The following DNAJA3 variants were observed in gnomAD, a reference collection of about 807,000 sequenced individuals.
The protein encoded by DNAJA3 is dnaJ homolog subfamily A member 3, mitochondrial.
In DNAJA3, 29 loss-of-function variants were observed where a neutral mutation model predicts 54.9. The observed-to-expected ratio is 0.53, with a 90% CI of 0.39 to 0.72. The LOEUF (loss-of-function observed/expected upper bound fraction) is 0.72, where lower values mean the gene tolerates loss of function less well. Among genes scored for constraint, DNAJA3 ranks in the 30% least tolerant of loss-of-function variants. DNAJA3 has a pLI of 0.00. For synonymous variants in DNAJA3, 302 were observed against 251.4 expected (o/e 1.20, Z -1.90); for missense variants, 708 against 639.4 (o/e 1.11, Z -1.16).
intron 7 of DNAJA3, among the ~76,000 whole-genome samples, chr16:4,445,092 A>G (rs1201677943): frequency 6.6e-6 from 1 of 151,726 alleles, no homozygotes; most frequent in Non-Finnish European, 1.5e-5. Context: ...TGGTGGAAAC[A>G]TTAATGAAGA....
Position 4,450,409 on chromosome 16 carries a change from G to C in DNAJA3, c.1251G>C (p.Thr417=). 6.2e-7 allele frequency: 1 copy of C among 1,608,074 alleles called. No homozygotes were observed. The highest frequency in any genetic ancestry group is 8.5e-7 in the Non-Finnish European group (1 of 1,177,972). The part of the protein sequence containing the change: ...HIKIRVPKRL[T]SRQQSLILSY... ...TCTGCTCGGTCCACAGGAGGCTAACGAGCCGGCAGCAGAGCCTGATCCTGA... is the reference window on the plus strand; with the variant it reads ...TCTGCTCGGTCCACAGGAGGCTAACCAGCCGGCAGCAGAGCCTGATCCTGA... Residue 417 remains threonine, a synonymous_variant, in exon 10 of 12, where the codon ACG becomes ACC. Coordinates refer to ENST00000262375, the MANE Select transcript of DNAJA3 (RefSeq NM_005147.6).
intron 1 of DNAJA3, chr16:4,434,116 A>G (rs2056741408): frequency 2.5e-6 from 1 of 396,450 alleles, no homozygotes; most frequent in East Asian, 5.7e-5. Context: ...AGCCCCTCAT[A>G]AAACTATCAG....
Position 4,426,027 on chromosome 16 carries a change from C to T in DNAJA3, c.146C>T (p.Ala49Val). 6.2e-7 allele frequency: 1 copy of T among 1,608,062 alleles called. No homozygotes were observed. The highest frequency in any genetic ancestry group is 8.5e-7 in the Non-Finnish European group (1 of 1,177,672). Residue 49 changes from alanine (A) to valine (V), a missense_variant, in exon 1 of 12, where the codon GCG becomes GTG. Coordinates refer to ENST00000262375, the MANE Select transcript of DNAJA3 (RefSeq NM_005147.6). Reference protein sequence around the residue: ...LSRKLSVPAFASSLTSCGPRA... With the variant: ...LSRKLSVPAFVSSLTSCGPRA... ...CGCAAGCTGAGCGTCCCCGCCTTTG[C>T]GTCTTCCCTGACCTCTTGCGGCCCC...
intron 10 of DNAJA3, among the ~76,000 whole-genome samples, chr16:4,451,243 A>G (rs528771012): frequency 6.6e-6 from 1 of 152,190 alleles, no homozygotes; most frequent in African/African-American, 2.4e-5. Flanking sequence ...TCCTCATTGC[A>G]TCATTTTGTT....
chr16:4,454,112 A>G (rs771703696), intron 10 of DNAJA3, among the ~76,000 whole-genome samples: 1 of 152,204 alleles, frequency 6.6e-6, no homozygotes, highest in African/African-American at 2.4e-5. Flanking sequence ...AATGGGGACA[A>G]CTTGCTCAGG....
intron 4 of DNAJA3, among the ~76,000 whole-genome samples, chr16:4,441,777 A>C (rs2056839569): frequency 6.6e-6 from 1 of 152,168 alleles, no homozygotes. Context: ...TGGTATTCTT[A>C]ACAGTTGCAT....
chr16:4,441,264 C>A, intron 3 of DNAJA3, 111 bp from the exon 4 acceptor site: 1 of 1,017,136 alleles, frequency 9.8e-7, no homozygotes, highest in Non-Finnish European at 1.4e-6. Context: ...TGTGTTTGCA[C>A]ACAGGGCCAC....
chr16:4,449,603 G>C (rs1476529884), intron 9 of DNAJA3: 1 of 151,310 alleles, frequency 6.6e-6, no homozygotes, highest in Admixed American at 6.6e-5. Context: ...TCGAACTCCT[G>C]ACCTCAGGTG....
chr16:4,433,771 A>T (rs2056736673), intron 1 of DNAJA3: 1 of 152,262 alleles, frequency 6.6e-6, no homozygotes, highest in African/African-American at 2.4e-5. Flanking sequence ...CAGGAGTATT[A>T]TTCCTTTAGT....
intron 8 of DNAJA3, among the ~76,000 whole-genome samples, chr16:4,448,436 C>G (rs1004709571): frequency 6.6e-6 from 1 of 152,070 alleles, no homozygotes; most frequent in Non-Finnish European, 1.5e-5. Context: ...CTCCGCCTCC[C>G]GGGTTCAAGC....
At chr16:4,443,801 C>G (rs1169629943) in intron 6 of DNAJA3, among the ~76,000 whole-genome samples, 2 of 152,182 alleles carry the variant, frequency 1.3e-5, no homozygotes, top group Non-Finnish European at 2.9e-5. Flanking sequence ...ATTCTCCTGC[C>G]TCAGCCTCCC....
At chr16:4,451,344 G>T (rs530540179) in intron 10 of DNAJA3, among the ~76,000 whole-genome samples, 1 of 152,210 alleles carries the variant, frequency 6.6e-6, no homozygotes, top group Admixed American at 6.5e-5. Flanking sequence ...GCTGGGGGCC[G>T]ATTTTCCAAT....
rs530971801 is a variant in DNAJA3, at chr16:4,447,202, A to G, written c.1125+188A>G. On this transcript the variant is annotated intron_variant, in intron 8 of 11. Transcript: ENST00000262375. ...ACCACAAGCCACAGGCCTTGAGTCT[A>G]TAATCGCATGGGAAGCAGTTCCTGG... 88 of 619,930 alleles carry G rather than the reference A, an allele frequency of 1.4e-4. 1 individual carries two copies. The South Asian group carries it at 1.4e-3, about 10-fold the overall frequency. The allele number at this position is 619,930 out of a possible 1,614,324, so 38.4% of individuals were successfully genotyped here.
rs748488646 is a variant in DNAJA3, at chr16:4,450,422, A to C, written c.1264A>C (p.Ser422Arg). Residue 422 changes from serine to arginine, a missense_variant, in exon 10 of 12, where the codon AGC becomes CGC. Physicochemically the swap from Ser to Arg is moderately radical, Grantham distance 110. Coordinates refer to ENST00000262375, the MANE Select transcript of DNAJA3 (RefSeq NM_005147.6). ...CAGGAGGCTAACGAGCCGGCAGCAGAGCCTGATCCTGAGCTACGCCGAGGA... is the reference window on the plus strand; with the variant it reads ...CAGGAGGCTAACGAGCCGGCAGCAGCGCCTGATCCTGAGCTACGCCGAGGA... Reference protein sequence around the residue: ...VPKRLTSRQQSLILSYAEDET... With the variant: ...VPKRLTSRQQRLILSYAEDET... The C allele has an allele frequency of 6.4e-5, 103 of 1,611,044 alleles. No individual in the cohort carries two copies. Among genetic ancestry groups the C allele is most frequent in the Non-Finnish European group, 8.6e-5 (101 of 1,179,134 alleles).
chr16:4,439,694 C>G (rs1265942583), intron 3 of DNAJA3, among the ~76,000 whole-genome samples: 1 of 152,190 alleles, frequency 6.6e-6, no homozygotes, highest in African/African-American at 2.4e-5. Flanking sequence ...AGCCTCAGAA[C>G]CTAAGAGCAG....
intron 3 of DNAJA3, among the ~76,000 whole-genome samples, chr16:4,438,330 A>G (rs2056797329): frequency 6.6e-6 from 1 of 151,976 alleles, no homozygotes; most frequent in Non-Finnish European, 1.5e-5. Flanking sequence ...AAAAAAAAAA[A>G]GAACAGGATC....
intron 1 of DNAJA3, among the ~76,000 whole-genome samples, chr16:4,432,702 G>A (rs1022166928): frequency 2.6e-5 from 4 of 152,132 alleles, no homozygotes; most frequent in African/African-American, 9.6e-5. Flanking sequence ...TGGGCGTGGT[G>A]GCACACGCCT....
At chr16:4,442,983 G>T in intron 5 of DNAJA3, 34 bp from the exon 6 acceptor site, 3 of 1,608,058 alleles carry the variant, frequency 1.9e-6, no homozygotes, top group Non-Finnish European at 2.6e-6. Flanking sequence ...GTTTACCTGC[G>T]TACTTAGGTT....
chr16:4,429,278 A>T (rs1310428409), intron 1 of DNAJA3, among the ~76,000 whole-genome samples: 3 of 148,834 alleles, frequency 2.0e-5, no homozygotes, highest in Non-Finnish European at 4.4e-5. Flanking sequence ...CATGATCTTG[A>T]CTCACCGTGA....
Sources: gnomAD v4.1 joint callset for allele counts (sites outside exome capture counted in the v4.1 genomes callset) on GRCh38, gnomAD v4.1.1 for gene constraint, MANE v1.5 for transcripts, NCBI Gene and HGNC (gene_info 2026-07-23, HGNC 2026-07-21) for gene names.